TM9SF3: variants seen among roughly 807,000 people sequenced by gnomAD.
TM9SF3 encodes the protein transmembrane 9 superfamily member 3, also known as SM-11044-binding protein.
Under a neutral mutation model 78.6 loss-of-function variants are expected in TM9SF3, and 14 were observed. That is an observed-to-expected ratio of 0.18 (90% CI 0.12 to 0.28). The LOEUF (loss-of-function observed/expected upper bound fraction) is 0.28. Ranked by LOEUF, TM9SF3 falls within the 10% of genes least tolerant of loss-of-function variation. The probability of loss-of-function intolerance (pLI) is 1.00; values close to 1 mark genes in which losing one functional copy is unlikely to be tolerated. For synonymous variants in TM9SF3, 231 were observed against 241.7 expected (o/e 0.96, Z 0.41); for missense variants, 496 against 721.9 (o/e 0.69, Z 3.59).
At chr10:96,545,543 T>C (rs539285938) in intron 8 of TM9SF3, among the ~76,000 whole-genome samples, 3 of 152,344 alleles carry the variant, frequency 2.0e-5, no homozygotes, top group East Asian at 1.9e-4. Flanking sequence ...AACACCTTTC[T>C]AGCATTTTCT....
At chr10:96,577,312 A>G (rs1848507892) in intron 1 of TM9SF3, among the ~76,000 whole-genome samples, 1 of 152,106 alleles carries the variant, frequency 6.6e-6, no homozygotes, top group Admixed American at 6.6e-5. Context: ...ACTTTCACAC[A>G]GCCACTGGTC....
At chr10:96,529,321 C>T (rs1847871525) in intron 11 of TM9SF3, among the ~76,000 whole-genome samples, 1 of 152,126 alleles carries the variant, frequency 6.6e-6, no homozygotes, top group South Asian at 2.1e-4. Flanking sequence ...TTAGACTAAA[C>T]TGACTAAATT....
intron 2 of TM9SF3, among the ~76,000 whole-genome samples, chr10:96,570,052 C>A (rs1273137837): frequency 1.3e-5 from 2 of 152,048 alleles, no homozygotes; most frequent in South Asian, 2.1e-4. Context: ...GGGAAAAAAA[C>A]CACAGTATCC....
chr10:96,542,914 G>A (rs908825357), intron 9 of TM9SF3, among the ~76,000 whole-genome samples: 3 of 152,110 alleles, frequency 2.0e-5, no homozygotes, highest in African/African-American at 7.2e-5. Flanking sequence ...AAAGTCACCT[G>A]GAATTTTTGG....
intron 2 of TM9SF3, among the ~76,000 whole-genome samples, chr10:96,574,728 G>T (rs987837067): frequency 5.3e-5 from 8 of 152,166 alleles, no homozygotes; most frequent in African/African-American, 1.9e-4. Flanking sequence ...ATATACCATG[G>T]AATACTATGC....
chr10:96,579,539 G>A (rs1848536472), intron 1 of TM9SF3, among the ~76,000 whole-genome samples: 2 of 152,210 alleles, frequency 1.3e-5, no homozygotes, highest in South Asian at 2.1e-4. Flanking sequence ...CACATATTCC[G>A]AAGTTACTCA....
intron 14 of TM9SF3, among the ~76,000 whole-genome samples, chr10:96,523,526 A>C (rs1283683172): frequency 6.6e-6 from 1 of 151,902 alleles, no homozygotes; most frequent in Non-Finnish European, 1.5e-5. Flanking sequence ...ATAACCACTA[A>C]TGAATTATTT....
At chr10:96,570,739 G>A (rs889532259) in intron 2 of TM9SF3, among the ~76,000 whole-genome samples, 12 of 144,926 alleles carry the variant, frequency 8.3e-5, no homozygotes, top group African/African-American at 3.1e-4. Flanking sequence ...AAGAGACAAC[G>A]GTGGGAAAAA....
intron 1 of TM9SF3, among the ~76,000 whole-genome samples, chr10:96,584,612 C>T (rs1182414178): frequency 6.6e-6 from 1 of 152,106 alleles, no homozygotes; most frequent in African/African-American, 2.4e-5. Context: ...GTTTTGAGTT[C>T]AAGACCAGCC....
Position 96,521,803 on chromosome 10 carries a change from A to G in TM9SF3, c.*460T>C, listed in dbSNP as rs1847778601. Reference sequence around the variant, plus strand: ...CAATAGGTCGACAATGGCAGTAAAAATAAGAGGAAAAAAGTAATCTTTCTG... The same window carrying G: ...CAATAGGTCGACAATGGCAGTAAAAGTAAGAGGAAAAAAGTAATCTTTCTG... On this transcript the variant is annotated 3_prime_UTR_variant, in exon 15 of 15. Coordinates refer to ENST00000371142, the MANE Select transcript of TM9SF3 (RefSeq NM_020123.4). 1 of 152,126 alleles carries G rather than the reference A, an allele frequency of 6.6e-6. No homozygotes were observed. The allele number at this position is 152,126 out of a possible 1,614,324, so 9.4% of individuals were successfully genotyped here. A position where few individuals can be genotyped will look rare whatever the true frequency, so the allele number is the denominator to read the frequency against.
chr10:96,559,093 T>C (rs555250795), intron 5 of TM9SF3, among the ~76,000 whole-genome samples: 309 of 152,326 alleles, frequency 2.0e-3, no homozygotes, highest in Non-Finnish European at 3.8e-3. Flanking sequence ...ATTCTTGATG[T>C]TTCTTTCTAC....
At chr10:96,534,452 C>T (rs1847932278) in intron 9 of TM9SF3, among the ~76,000 whole-genome samples, 1 of 152,172 alleles carries the variant, frequency 6.6e-6, no homozygotes, top group South Asian at 2.1e-4. Context: ...ATACATATGT[C>T]GTAAATATGG....
chr10:96,529,647 TAAAA>T (rs72071295), intron 11 of TM9SF3, among the ~76,000 whole-genome samples: 15,901 of 147,834 alleles, frequency 0.11, 989 homozygotes, highest in Non-Finnish European at 0.15. Context: ...GCTCTATATT[TAAAA>T]AAAAAAAAAT....
At chr10:96,527,069 C>T (rs1232132531) in intron 14 of TM9SF3, 144 bp downstream of exon 14, 1 of 606,864 alleles carries the variant, frequency 1.6e-6, no homozygotes, top group African/African-American at 1.9e-5. Flanking sequence ...GGGGAAGAGT[C>T]AAAAGGACTG....
intron 9 of TM9SF3, among the ~76,000 whole-genome samples, chr10:96,534,083 C>T (rs1348521014): frequency 6.6e-6 from 1 of 152,082 alleles, no homozygotes; most frequent in Non-Finnish European, 1.5e-5. Flanking sequence ...TGTGAAGACA[C>T]TGATTGAGAG....
intron 1 of TM9SF3, among the ~76,000 whole-genome samples, chr10:96,581,537 C>G (rs551536676): frequency 1.3e-5 from 2 of 152,132 alleles, no homozygotes; most frequent in African/African-American, 4.8e-5. Context: ...GAGATAACTA[C>G]TCTCTCTCAA....
At chr10:96,573,496 G>A (rs1026835830) in intron 2 of TM9SF3, among the ~76,000 whole-genome samples, 2 of 152,128 alleles carry the variant, frequency 1.3e-5, no homozygotes, top group African/African-American at 4.8e-5. Flanking sequence ...TGCTGGAGGT[G>A]GAAACTTGGT....
chr10:96,545,781 G>C (rs748781438), intron 8 of TM9SF3, among the ~76,000 whole-genome samples: 1 of 152,066 alleles, frequency 6.6e-6, no homozygotes, highest in Non-Finnish European at 1.5e-5. Flanking sequence ...CCTAGCTATT[G>C]AGCAGGCTGA....
chr10:96,519,959 A>G lies in TM9SF3; in HGVS notation c.*2304T>C, dbSNP rs1259500442. On this transcript the variant is annotated 3_prime_UTR_variant, in exon 15 of 15. Coordinates refer to ENST00000371142, the MANE Select transcript of TM9SF3 (RefSeq NM_020123.4). ...TTCCAAAGAACTTCAAATAGAGCTC[A>G]ATTTAGTAGAAAGAATTGGTGTACC... The G allele has an allele frequency of 6.6e-6, 1 of 151,978 alleles. No individual in the cohort carries two copies. The highest frequency in any genetic ancestry group is 1.9e-4 in the East Asian group (1 of 5,202). 9.4% of individuals were successfully genotyped at this position (151,978 alleles called of 1,614,324 possible). A position where few individuals can be genotyped will look rare whatever the true frequency, so the allele number is the denominator to read the frequency against.
Sources: allele counts gnomAD v4.1 joint callset (sites outside exome capture counted in the v4.1 genomes callset), GRCh38; gene constraint gnomAD v4.1.1; transcripts MANE v1.5; gene names NCBI Gene and HGNC (gene_info 2026-07-23, HGNC 2026-07-21).